Variants in DCDC2 observed in about 807,000 individuals in gnomAD.
DCDC2 encodes doublecortin domain containing 2.
In DCDC2, 40 loss-of-function variants were observed where a neutral mutation model predicts 50.2. The ratio of observed to expected loss-of-function variants is 0.80; its 90% confidence interval spans 0.62 to 1.04. The LOEUF (loss-of-function observed/expected upper bound fraction) is 1.04. DCDC2 is among the 50% of genes least tolerant of loss of function. The pLI, the probability that DCDC2 is intolerant of heterozygous loss-of-function variation, is 0.00. For missense variants in DCDC2, 570 were observed against 581.9 expected, an observed-to-expected ratio of 0.98 and a Z score of 0.21; for synonymous variants, 234 against 210.6, an observed-to-expected ratio of 1.11 and a Z score of -0.96.
intron 2 of DCDC2, among the ~76,000 whole-genome samples, chr6:24,342,143 T>C (rs12192603): frequency 0.32 from 48,800 of 152,072 alleles, 9,299 homozygotes; most frequent in African/African-American, 0.54. Context: ...GCATCTTTGC[T>C]GGACATACAG....
chr6:24,207,806 T>TA (rs1761755501), intron 7 of DCDC2, among the ~76,000 whole-genome samples: 1 of 152,182 alleles, frequency 6.6e-6, no homozygotes, highest in African/African-American at 2.4e-5. Context: ...CCTCCTGCTG[T>TA]ATACACCCCC....
intron 2 of DCDC2, among the ~76,000 whole-genome samples, chr6:24,311,803 G>A (rs566680374): frequency 1.2e-4 from 18 of 152,184 alleles, no homozygotes; most frequent in African/African-American, 3.4e-4. Flanking sequence ...ACGTTCTCAC[G>A]TTCACCCAAG....
chr6:24,231,731 T>C (rs1339808466), intron 7 of DCDC2, among the ~76,000 whole-genome samples: 1 of 151,812 alleles, frequency 6.6e-6, no homozygotes, highest in Non-Finnish European at 1.5e-5. Context: ...ATTATTTATG[T>C]GATGAAAAGG....
chr6:24,284,362 C>T (rs1026156959), intron 6 of DCDC2, among the ~76,000 whole-genome samples: 14 of 151,920 alleles, frequency 9.2e-5, no homozygotes, highest in African/African-American at 3.4e-4. Context: ...CATCCCAACA[C>T]TTTGAGAGGC....
chr6:24,268,403 C>T (rs2113811569), intron 7 of DCDC2, among the ~76,000 whole-genome samples: 1 of 152,224 alleles, frequency 6.6e-6, no homozygotes, highest in Admixed American at 6.5e-5. Flanking sequence ...ACGATAATTG[C>T]TTGAACCTGG....
At chr6:24,342,573 A>C (rs1760179433) in intron 2 of DCDC2, among the ~76,000 whole-genome samples, 1 of 152,130 alleles carries the variant, frequency 6.6e-6, no homozygotes, top group East Asian at 1.9e-4. Context: ...GCCTCAATTC[A>C]CCTCTGCCAT....
At chr6:24,359,470 A>AGTATATATATTTATATATACTATATT (rs1479688036), upstream of DCDC2, among the ~76,000 whole-genome samples, 16 of 12,676 alleles carry the variant, frequency 1.3e-3, no homozygotes, top group African/African-American at 3.4e-3. Context: ...TATACTATAT[A>AGTATATATATTTATATATACTATATT]ATATATATTT....
intron 2 of DCDC2, among the ~76,000 whole-genome samples, chr6:24,330,399 A>G (rs1444531921): frequency 2.6e-5 from 4 of 152,214 alleles, no homozygotes; most frequent in Admixed American, 2.6e-4. Flanking sequence ...GGAGTACAAT[A>G]ATAAACCAAA....
the DCDC2 span, among the ~76,000 whole-genome samples, chr6:24,367,159 C>T: frequency 6.6e-6 from 1 of 152,204 alleles, no homozygotes; most frequent in African/African-American, 2.4e-5. Context: ...TTTTTAAATG[C>T]ATTGCCAATT....
At chr6:24,192,444 A>G (rs567981222) in intron 8 of DCDC2, among the ~76,000 whole-genome samples, 1 of 152,062 alleles carries the variant, frequency 6.6e-6, no homozygotes, top group Non-Finnish European at 1.5e-5. Flanking sequence ...CAGACAGCCA[A>G]GAAACGACTC....
intron 4 of DCDC2, among the ~76,000 whole-genome samples, chr6:24,295,576 C>A (rs1759211097): frequency 6.6e-6 from 1 of 152,108 alleles, no homozygotes; most frequent in South Asian, 2.1e-4. Context: ...GAAAATCTCA[C>A]AGTCTCGGCC....
At chr6:24,178,956 T>G (rs950058868) in intron 8 of DCDC2, among the ~76,000 whole-genome samples, 12 of 152,174 alleles carry the variant, frequency 7.9e-5, no homozygotes, top group East Asian at 1.9e-4. Flanking sequence ...CCAGAACCAG[T>G]GCTTGTAACC....
At chr6:24,267,821 C>G (rs1416338242) in intron 7 of DCDC2, among the ~76,000 whole-genome samples, 3 of 152,208 alleles carry the variant, frequency 2.0e-5, no homozygotes, top group Non-Finnish European at 2.9e-5. Context: ...AGTCTAGTCC[C>G]TGGCACAGAG....
At chr6:24,379,736 T>C in the DCDC2 span, among the ~76,000 whole-genome samples, 7 of 152,258 alleles carry the variant, frequency 4.6e-5, no homozygotes, top group South Asian at 1.5e-3. Flanking sequence ...AAGACACATG[T>C]ACACGAATGT....
At chr6:24,203,126 A>G (rs564376828) in intron 8 of DCDC2, among the ~76,000 whole-genome samples, 1 of 152,340 alleles carries the variant, frequency 6.6e-6, no homozygotes, top group Non-Finnish European at 1.5e-5. Context: ...ACAAAATTGG[A>G]AAAAACTACT....
chr6:24,359,550 T>C (rs1446151219), upstream of DCDC2, among the ~76,000 whole-genome samples: 3 of 115,716 alleles, frequency 2.6e-5, no homozygotes, highest in Non-Finnish European at 5.0e-5. Context: ...ATATTTTATA[T>C]ATATTATATA....
intron 8 of DCDC2, among the ~76,000 whole-genome samples, chr6:24,189,148 C>T (rs1405567052): frequency 6.6e-6 from 1 of 152,028 alleles, no homozygotes; most frequent in East Asian, 1.9e-4. Flanking sequence ...GTGTATCTTG[C>T]TATTTATTTT....
At chr6:24,208,881 T>C (rs1304157587) in intron 7 of DCDC2, among the ~76,000 whole-genome samples, 1 of 152,232 alleles carries the variant, frequency 6.6e-6, no homozygotes, top group Non-Finnish European at 1.5e-5. Context: ...CAAAGCATTA[T>C]ATAAACACCA....
chr6:24,269,861 T>A (rs182789777), intron 7 of DCDC2, among the ~76,000 whole-genome samples: 25 of 152,084 alleles, frequency 1.6e-4, no homozygotes, highest in Non-Finnish European at 1.0e-4. Context: ...TGTGTCAAAA[T>A]AGAGAAGACC....
Sources: allele counts gnomAD v4.1 joint callset (sites outside exome capture counted in the v4.1 genomes callset), GRCh38; gene constraint gnomAD v4.1.1; transcripts MANE v1.5; gene names NCBI Gene and HGNC (gene_info 2026-07-23, HGNC 2026-07-21).